Variants in ZNF14 observed in about 807,000 individuals in gnomAD.
ZNF14 encodes gonadotropin inducible transcription repressor-4.
ZNF14 carries 9 observed loss-of-function variants against 11.3 expected under a neutral mutation model. The ratio of observed to expected loss-of-function variants is 0.80; its 90% confidence interval spans 0.48 to 1.39. The LOEUF is 1.39. Among genes scored for constraint, ZNF14 ranks in the 40% most tolerant of loss-of-function variants. The pLI is 0.00. For missense variants in ZNF14, 711 were observed against 763.9 expected (o/e 0.93, Z 0.82); for synonymous variants, 239 against 245.7 (o/e 0.97, Z 0.25).
rs1325626482 is a variant in ZNF14 at position 19,714,389 on chromosome 19, C to T, written c.102G>A (p.Gln34=). ...GACAAACCAGGTTTTTGAAGGTCTCCTGCATCACATCTTCATAGAGCTTTT... is the reference window on the plus strand; with the variant it reads ...GACAAACCAGGTTTTTGAAGGTCTCTTGCATCACATCTTCATAGAGCTTTT... ...SQKKLYEDVM[Q]ETFKNLVCLG... The change falls in exon 2 of 4, where the codon CAG becomes CAA. Residue 34 remains glutamine (Q), a synonymous_variant. Coordinates refer to ENST00000344099, the MANE Select transcript of ZNF14 (RefSeq NM_021030.3). The T allele has an allele frequency of 6.2e-7, 1 of 1,614,052 alleles. No homozygotes were observed. The highest frequency in any genetic ancestry group is 8.5e-7 in the Non-Finnish European group (1 of 1,180,018).
chr19:19,733,082 C>G lies in ZNF14; in HGVS notation c.-124G>C, dbSNP rs2062429003. 2 of 1,289,060 alleles carry G rather than the reference C, an allele frequency of 1.6e-6. No homozygotes were observed. Among genetic ancestry groups the G allele is most frequent in the Non-Finnish European group, 2.2e-6 (2 of 925,338 alleles). The allele number at this position is 1,289,060 out of a possible 1,614,324, so 79.9% of individuals were successfully genotyped here. The stretch of plus-strand genomic sequence containing the variant: ...TCAGGAGCAGGTGAAACGCAATCTT[C>G]CCATGGGCCAGGAATGGCGACGTCC... On this transcript the variant is annotated 5_prime_UTR_variant, in exon 1 of 4. Coordinates refer to ENST00000344099, the MANE Select transcript of ZNF14 (RefSeq NM_021030.3).
chr19:19,714,578 C>T, intron 1 of ZNF14, 91 bp from the exon 2 acceptor site: 1 of 1,450,608 alleles, frequency 6.9e-7, no homozygotes, highest in East Asian at 2.3e-5. Context: ...CCATACAATT[C>T]TGTGTTCTCC....
At chr19:19,717,344 T>G (rs73541334) in intron 1 of ZNF14, among the ~76,000 whole-genome samples, 1,540 of 152,286 alleles carry the variant, frequency 0.01, 25 homozygotes, top group African/African-American at 0.035. Context: ...GCAGAGCAGG[T>G]GGGATGTTTC....
chr19:19,713,207 G>T, intron 3 of ZNF14, 118 bp from the exon 4 acceptor site: 1 of 939,334 alleles, frequency 1.1e-6, no homozygotes, highest in Non-Finnish European at 1.6e-6. Flanking sequence ...TGCCCTGTCT[G>T]AATTGTTTTA....
chr19:19,716,883 CA>C (rs1164939939), intron 1 of ZNF14, among the ~76,000 whole-genome samples: 1 of 152,120 alleles, frequency 6.6e-6, no homozygotes, highest in African/African-American at 2.4e-5. Flanking sequence ...TCCATTTCAA[CA>C]AAAGCCCAAC....
Position 19,711,943 on chromosome 19 carries a change from G to A in ZNF14, c.1338C>T (p.Pro446=). The change falls in exon 4 of 4, where the codon CCC becomes CCT. Residue 446 remains proline (P), a synonymous_variant. Coordinates refer to ENST00000344099, the MANE Select transcript of ZNF14 (RefSeq NM_021030.3). ...RHERTHNAEK[P]YECKQCGKAF... ...CTTTCCCACACTGTTTACATTCATAGGGTTTCTCTGCATTGTGAGTCCTTT... is the reference window on the plus strand; with the variant it reads ...CTTTCCCACACTGTTTACATTCATAAGGTTTCTCTGCATTGTGAGTCCTTT... 6.2e-7 allele frequency: 1 copy of A among 1,613,138 alleles called. No homozygotes were observed. The highest frequency in any genetic ancestry group is 8.5e-7 in the Non-Finnish European group (1 of 1,179,792).
At chr19:19,724,715 T>C (rs2062402044) in intron 1 of ZNF14, among the ~76,000 whole-genome samples, 1 of 133,196 alleles carries the variant, frequency 7.5e-6, no homozygotes, top group Non-Finnish European at 1.7e-5. Flanking sequence ...TGTGGGAGTC[T>C]AAGTCTCTTT....
intron 1 of ZNF14, among the ~76,000 whole-genome samples, chr19:19,729,529 C>A (rs1489032352): frequency 6.6e-6 from 1 of 152,064 alleles, no homozygotes; most frequent in Non-Finnish European, 1.5e-5. Flanking sequence ...GTTGGCCAGG[C>A]TGGTCTCGAA....
intron 3 of ZNF14, 114 bp from the exon 4 acceptor site, chr19:19,713,203 G>T: frequency 1.0e-6 from 1 of 961,374 alleles, no homozygotes; most frequent in Non-Finnish European, 1.5e-6. Context: ...TATCTGCCCT[G>T]TCTGAATTGT....
chr19:19,723,394 G>T (rs1261559054), intron 1 of ZNF14, among the ~76,000 whole-genome samples: 1 of 152,114 alleles, frequency 6.6e-6, no homozygotes, highest in African/African-American at 2.4e-5. Context: ...TTATTGATTT[G>T]TGTATGTTGA....
intron 1 of ZNF14, among the ~76,000 whole-genome samples, chr19:19,718,764 T>G (rs2062384514): frequency 1.3e-5 from 2 of 152,040 alleles, no homozygotes; most frequent in Non-Finnish European, 2.9e-5. Flanking sequence ...ATAAAAGAAT[T>G]AAGTCAGACT....
Position 19,713,087 on chromosome 19 carries a change from C to G in ZNF14, c.194G>C (p.Cys65Ser). 1.3e-6 allele frequency: 2 copies of G among 1,562,628 alleles called. No homozygotes were observed. The highest frequency in any genetic ancestry group is 1.7e-6 in the Non-Finnish European group (2 of 1,157,470). The part of the protein sequence containing the change: ...DHRNQGKNRR[C>S]HMVERLCESR... ...TTCACAGAGTCTCTCAACCATATGA[C>G]ATCTGTAAAAAATGAATAGCACATT... Residue 65 changes from cysteine to serine, a missense_variant and splice_region_variant, in exon 4 of 4, where the codon TGT becomes TCT. Transcript: ENST00000344099.
chr19:19,724,707 T>C (rs1468556207), intron 1 of ZNF14, among the ~76,000 whole-genome samples: 1 of 133,210 alleles, frequency 7.5e-6, no homozygotes, highest in Non-Finnish European at 1.7e-5. Context: ...TATTATTGTG[T>C]GGGAGTCTAA....
At chr19:19,718,257 G>T (rs922145450) in intron 1 of ZNF14, among the ~76,000 whole-genome samples, 1 of 152,018 alleles carries the variant, frequency 6.6e-6, no homozygotes, top group Admixed American at 6.6e-5. Context: ...TGGAAATGTT[G>T]AACAATATGA....
chr19:19,726,021 AAC>A (rs1346432322), intron 1 of ZNF14, among the ~76,000 whole-genome samples: 5 of 134,188 alleles, frequency 3.7e-5, no homozygotes, highest in African/African-American at 1.4e-4. Context: ...GATGGGTCTG[AAC>A]ATCCTCCTTT....
At chr19:19,721,067 C>T (rs1485839048) in intron 1 of ZNF14, among the ~76,000 whole-genome samples, 1 of 152,202 alleles carries the variant, frequency 6.6e-6, no homozygotes, top group Non-Finnish European at 1.5e-5. Context: ...AAGTGATCCT[C>T]CTGCCTCAGT....
At position 19,733,037 on chromosome 19, in the gene ZNF14, G is replaced by C. The variant is rs1268325024; in HGVS notation, c.-79C>G. On this transcript the variant is annotated 5_prime_UTR_variant, in exon 1 of 4. Transcript: ENST00000344099. Reference sequence around the variant, plus strand: ...CAGGTCACGGCGCGACAAAGGATGCGCTAGAGCCACCTTCGGCCTTCAGGA... The same window carrying C: ...CAGGTCACGGCGCGACAAAGGATGCCCTAGAGCCACCTTCGGCCTTCAGGA... The C allele has an allele frequency of 1.3e-6, 2 of 1,571,998 alleles. No individual in the cohort carries two copies. The highest frequency in any genetic ancestry group is 1.4e-5 in the African/African-American group (1 of 73,622).
chr19:19,716,114 G>C (rs1568449266), intron 1 of ZNF14, among the ~76,000 whole-genome samples: 1 of 152,184 alleles, frequency 6.6e-6, no homozygotes, highest in Middle Eastern at 3.4e-3. Context: ...AGGCTGGCTA[G>C]GGGTTTTCAC....
chr19:19,730,804 A>T (rs934593656), intron 1 of ZNF14, among the ~76,000 whole-genome samples: 2 of 152,002 alleles, frequency 1.3e-5, no homozygotes, highest in African/African-American at 4.8e-5. Context: ...CCCAGCTACT[A>T]GGGAGGCTGA....
Sources: gnomAD v4.1 joint callset for allele counts (sites outside exome capture counted in the v4.1 genomes callset) on GRCh38, gnomAD v4.1.1 for gene constraint, MANE v1.5 for transcripts, NCBI Gene and HGNC (gene_info 2026-07-23, HGNC 2026-07-21) for gene names.